OPCML: variants seen among roughly 807,000 people sequenced by gnomAD.
OPCML encodes the protein opioid binding protein/cell adhesion molecule like, also known as opioid-binding protein/cell adhesion molecule.
In OPCML, 13 loss-of-function variants were observed where a neutral mutation model predicts 37.8. The observed-to-expected ratio is 0.34, with a 90% CI of 0.22 to 0.55. The LOEUF is 0.55. Among genes scored for constraint, OPCML ranks in the 20% least tolerant of loss-of-function variants. OPCML has a pLI of 0.91. For synonymous variants in OPCML, 176 were observed against 168.8 expected (o/e 1.04, Z -0.33); for missense variants, 341 against 435.6 (o/e 0.78, Z 1.93).
At chr11:133,482,232 A>G (rs1263780891) in intron 1 of OPCML, among the ~76,000 whole-genome samples, 1 of 152,158 alleles carries the variant, frequency 6.6e-6, no homozygotes, top group Non-Finnish European at 1.5e-5. Context: ...GAGGACAATG[A>G]TGCCAACGGT....
chr11:132,825,706 C>A (rs1262348584), intron 2 of OPCML, among the ~76,000 whole-genome samples: 1 of 152,166 alleles, frequency 6.6e-6, no homozygotes, highest in Admixed American at 6.5e-5. Context: ...GACTCTTAGC[C>A]CTTTAGCATT....
chr11:132,932,214 A>G (rs1945228872), intron 2 of OPCML, among the ~76,000 whole-genome samples: 1 of 152,126 alleles, frequency 6.6e-6, no homozygotes, highest in African/African-American at 2.4e-5. Context: ...AGAAGAAATA[A>G]GTTCTGGAGA....
intron 7 of OPCML, among the ~76,000 whole-genome samples, chr11:132,426,660 A>T (rs2095978651): frequency 6.6e-6 from 1 of 152,172 alleles, no homozygotes; most frequent in South Asian, 2.1e-4. Context: ...TTGAACTGCT[A>T]GCCTCAAGTG....
intron 2 of OPCML, among the ~76,000 whole-genome samples, chr11:132,907,819 C>G (rs1007194120): frequency 2.0e-5 from 3 of 152,060 alleles, no homozygotes; most frequent in African/African-American, 7.3e-5. Flanking sequence ...ACGCTATGGT[C>G]GAGTTAGTAG....
In OPCML at chr11:133,174,387, T is replaced by C. The variant is rs1325530732; in HGVS notation, c.62-231377A>G. On this transcript the variant is annotated intron_variant, in intron 1 of 7. Transcript: ENST00000524381. This position sits in a 1 kb window ranked among gnomAD's most constrained non-coding sequence, Gnocchi z 4.6. ...CAAAAGCCCCATTCCCTGTGCCTGG[T>C]AGTGAAATAAGGCAGCTAAACCTTA... Among the ~76,000 whole-genome samples the C allele has an allele frequency of 6.6e-6, 1 of 152,114 alleles. No homozygotes were observed. The highest frequency in any genetic ancestry group is 1.5e-5 in the Non-Finnish European group (1 of 68,028).
intron 1 of OPCML, chr11:133,008,877 A>G (rs767755415): frequency 7.7e-5 from 76 of 985,122 alleles, no homozygotes; most frequent in Non-Finnish European, 3.4e-5. Flanking sequence ...AGCCCAACCT[A>G]ATATATCTGG....
At chr11:132,871,923 T>A (rs994695070) in intron 2 of OPCML, among the ~76,000 whole-genome samples, 7 of 152,238 alleles carry the variant, frequency 4.6e-5, no homozygotes, top group African/African-American at 1.7e-4. Flanking sequence ...TTACCGAACC[T>A]GCCTCTCTGG....
chr11:132,602,528 C>G (rs1050010702), intron 3 of OPCML, among the ~76,000 whole-genome samples: 11 of 152,180 alleles, frequency 7.2e-5, no homozygotes, highest in Admixed American at 3.9e-4. Context: ...GAGTTTGGTT[C>G]TCTCACACAT....
intron 2 of OPCML, among the ~76,000 whole-genome samples, chr11:132,686,495 T>C (rs1266678128): frequency 2.0e-5 from 3 of 152,208 alleles, no homozygotes; most frequent in Admixed American, 2.0e-4. Flanking sequence ...TTTCTACTCT[T>C]CAAATCCCTT....
At chr11:133,146,156 C>A (rs1001654978) in intron 1 of OPCML, among the ~76,000 whole-genome samples, 1 of 151,908 alleles carries the variant, frequency 6.6e-6, no homozygotes, top group African/African-American at 2.4e-5. Flanking sequence ...ACTGTGGCTG[C>A]GTAAAAGAGA....
intron 1 of OPCML, among the ~76,000 whole-genome samples, chr11:133,463,338 G>A (rs7112287): frequency 0.058 from 8,779 of 151,996 alleles, 792 homozygotes; most frequent in African/African-American, 0.2. Flanking sequence ...TGTGATGGTT[G>A]CACCATGATT....
At chr11:132,541,469 G>A (rs1419198876) in intron 3 of OPCML, among the ~76,000 whole-genome samples, 1 of 151,842 alleles carries the variant, frequency 6.6e-6, no homozygotes, top group Non-Finnish European at 1.5e-5. Context: ...CACAGTGTCT[G>A]GCACATAGTA....
chr11:133,366,472 T>A (rs1487060120), intron 1 of OPCML, among the ~76,000 whole-genome samples: 1 of 152,082 alleles, frequency 6.6e-6, no homozygotes, highest in African/African-American at 2.4e-5. Context: ...GGGAACATGA[T>A]AAAAAGTGTC....
At chr11:132,466,117 G>A (rs1336479143) in intron 4 of OPCML, among the ~76,000 whole-genome samples, 1 of 152,130 alleles carries the variant, frequency 6.6e-6, no homozygotes, top group Non-Finnish European at 1.5e-5. Context: ...GACTCATGTG[G>A]AATGTCTCCT....
intron 4 of OPCML, among the ~76,000 whole-genome samples, chr11:132,527,071 C>T (rs1373057082): frequency 6.6e-6 from 1 of 152,072 alleles, no homozygotes; most frequent in Non-Finnish European, 1.5e-5. Context: ...TGGTTTGTTC[C>T]TGTTAATTGC....
intron 1 of OPCML, among the ~76,000 whole-genome samples, chr11:132,987,384 G>A (rs746186992): frequency 7.9e-5 from 12 of 152,158 alleles, no homozygotes; most frequent in Non-Finnish European, 1.3e-4. Flanking sequence ...GCCTCTGCGT[G>A]TACCTGGGGC....
chr11:133,169,154 T>A (rs1214078466), intron 1 of OPCML, among the ~76,000 whole-genome samples: 1 of 151,938 alleles, frequency 6.6e-6, no homozygotes, highest in Non-Finnish European at 1.5e-5. Flanking sequence ...AAATAAAAAT[T>A]TAAAAAGTAA....
chr11:132,516,422 T>C (rs531420898), intron 4 of OPCML, among the ~76,000 whole-genome samples: 49 of 152,266 alleles, frequency 3.2e-4, no homozygotes, highest in African/African-American at 1.0e-3. Flanking sequence ...CCCTTTTTTT[T>C]CTCTGGCACG....
intron 2 of OPCML, among the ~76,000 whole-genome samples, chr11:132,808,785 A>G (rs1267375997): frequency 1.3e-5 from 2 of 152,204 alleles, no homozygotes; most frequent in African/African-American, 4.8e-5. Flanking sequence ...CCTAAAAAGC[A>G]GTAACACATC....
Sources: gnomAD v4.1 joint callset for allele counts (sites outside exome capture counted in the v4.1 genomes callset) on GRCh38, gnomAD v4.1.1 for gene constraint, Gnocchi (gnomAD v3.1) non-coding constraint, MANE v1.5 for transcripts, NCBI Gene and HGNC (gene_info 2026-07-23, HGNC 2026-07-21) for gene names.